QRFPR: variants seen among roughly 807,000 people sequenced by gnomAD.
QRFPR encodes the protein pyroglutamylated RFamide peptide receptor.
QRFPR carries 37 observed loss-of-function variants against 31.3 expected under a neutral mutation model. That is an observed-to-expected ratio of 1.18 (90% CI 0.91 to 1.56). QRFPR has a LOEUF of 1.56. QRFPR is among the 40% of genes most tolerant of loss of function. QRFPR has a pLI of 0.00. For synonymous variants in QRFPR, 197 were observed against 192.0 expected, an observed-to-expected ratio of 1.03 and a Z score of -0.22; for missense variants, 542 against 532.5, an observed-to-expected ratio of 1.02 and a Z score of -0.18.
chr4:121,359,806 T>C (rs28663623), intron 1 of QRFPR, among the ~76,000 whole-genome samples: 4,340 of 151,154 alleles, frequency 0.029, 207 homozygotes, highest in African/African-American at 0.099. Context: ...TGTGTGTGTA[T>C]GTGTGTGTGT....
At position 121,329,114 on chromosome 4, in the gene QRFPR, A is replaced by T; in HGVS notation, c.*200T>A. On this transcript the variant is annotated 3_prime_UTR_variant, in exon 6 of 6. Coordinates refer to ENST00000394427, the MANE Select transcript of QRFPR (RefSeq NM_198179.3). ...CAGTGGGAATGAGAAGGAACACAGA[A>T]ATCTGTTAAATGATTGTGATCAATT... 2.1e-6 allele frequency: 1 copy of T among 474,728 alleles called. No homozygotes were observed. Among genetic ancestry groups the T allele is most frequent in the Non-Finnish European group, 3.6e-6 (1 of 275,550 alleles). The allele number at this position is 474,728 out of a possible 1,614,324, so 29.4% of individuals were successfully genotyped here.
chr4:121,380,950 G>A lies in QRFPR; in HGVS notation c.-303C>T. On this transcript the variant is annotated 5_prime_UTR_variant, in exon 1 of 6. Transcript: ENST00000394427. ...TTGCTCTTCCCTAAGGCGAGGCGCC[G>A]CCACGGTCTGGGGTGCTGGAGCGCC... 1 of 335,864 alleles carries A rather than the reference G, an allele frequency of 3.0e-6. No homozygotes were observed. Among genetic ancestry groups the A allele is most frequent in the Non-Finnish European group, 5.4e-6 (1 of 185,264 alleles). 20.8% of individuals were successfully genotyped at this position (335,864 alleles called of 1,614,324 possible). A position where few individuals can be genotyped will look rare whatever the true frequency, so the allele number is the denominator to read the frequency against.
At chr4:121,369,965 T>TC in intron 1 of QRFPR, 1 of 765,256 alleles carries the variant, frequency 1.3e-6, no homozygotes, top group Admixed American at 1.7e-5. Flanking sequence ...CCAGGATCTC[T>TC]CAGCCCTGCC....
At chr4:121,352,447 T>A (rs1264990809) in intron 1 of QRFPR, among the ~76,000 whole-genome samples, 1 of 152,120 alleles carries the variant, frequency 6.6e-6, no homozygotes, top group Non-Finnish European at 1.5e-5. Flanking sequence ...AAGTATGTAC[T>A]TTCTCAAGCC....
In QRFPR at chr4:121,380,193, GAGAGA is replaced by G. The variant is rs1560749161; in HGVS notation, c.340+110_340+114del. ...AGACAGACAGACGAGAGAGGAGAGAGAGAGAGAGAGAGAGAGAGAGAGAGAGAGAG... is the reference window on the plus strand; with the variant it reads ...AGACAGACAGACGAGAGAGGAGAGAGGAGAGAGAGAGAGAGAGAGAGAGAG... On this transcript the variant is annotated intron_variant, in intron 1 of 5. Coordinates refer to ENST00000394427, the MANE Select transcript of QRFPR (RefSeq NM_198179.3). 8.0e-5 allele frequency: 15 copies of G among 188,572 alleles called. 1 individual carries two copies. The highest frequency in any genetic ancestry group is 5.6e-4 in the Admixed American group (6 of 10,724). 11.7% of individuals were successfully genotyped at this position (188,572 alleles called of 1,614,324 possible).
At chr4:121,352,908 C>G (rs376696746) in intron 1 of QRFPR, among the ~76,000 whole-genome samples, 1 of 152,038 alleles carries the variant, frequency 6.6e-6, no homozygotes, top group Non-Finnish European at 1.5e-5. Flanking sequence ...TCATTCTACT[C>G]TATCTCCAAA....
intron 1 of QRFPR, among the ~76,000 whole-genome samples, chr4:121,362,990 T>C (rs1726020755): frequency 6.7e-6 from 1 of 150,124 alleles, no homozygotes; most frequent in Admixed American, 6.6e-5. Context: ...CTCTCTGGAG[T>C]CCATGCAAGC....
In QRFPR at chr4:121,355,109, C is replaced by T. The variant is rs114609455; in HGVS notation, c.341-14499G>A. Among the ~76,000 whole-genome samples the T allele has an allele frequency of 5.6e-3, 847 of 151,952 alleles. 2 individuals carry two copies. The highest frequency in any genetic ancestry group is 0.011 in the African/African-American group (471 of 41,492). On this transcript the variant is annotated intron_variant, in intron 1 of 5. Transcript: ENST00000394427. ...GGTATGAGTCTGGAAGTATTCCTTC[C>T]GCTTTGATTTTTTTGTAACAATTTG...
chr4:121,340,632 A>C (rs781620977), intron 1 of QRFPR, 22 bp from the exon 2 acceptor site: 1 of 1,603,272 alleles, frequency 6.2e-7, no homozygotes, highest in South Asian at 1.1e-5. Flanking sequence ...AAATAGGACA[A>C]ATCATACATC....
At chr4:121,355,292 T>C (rs1725845039) in intron 1 of QRFPR, among the ~76,000 whole-genome samples, 1 of 152,144 alleles carries the variant, frequency 6.6e-6, no homozygotes, top group Non-Finnish European at 1.5e-5. Flanking sequence ...CATGGTTCTA[T>C]CTTGATAGGT....
chr4:121,378,410 T>C (rs56226730), intron 1 of QRFPR, among the ~76,000 whole-genome samples: 1 of 140,052 alleles, frequency 7.1e-6, no homozygotes, highest in South Asian at 2.3e-4. Flanking sequence ...CACTGCACTT[T>C]TTTTTTTTTT....
rs527907188 is a variant in QRFPR, at chr4:121,343,061, C to T, written c.341-2451G>A. Among the ~76,000 whole-genome samples the T allele has an allele frequency of 3.9e-5, 6 of 152,300 alleles. No individual in the cohort carries two copies. In the South Asian group the frequency reaches 1.0e-3, roughly 26 times the overall value. ...GAATGGAGAAGGGAACGCCCATGGA[C>T]CATGGCCATGCACCAGGCAGAAGGG... On this transcript the variant is annotated intron_variant, in intron 1 of 5. Transcript: ENST00000394427.
intron 1 of QRFPR, among the ~76,000 whole-genome samples, chr4:121,365,628 TTA>T (rs376264003): frequency 0.42 from 10,502 of 25,196 alleles, 2,390 homozygotes; most frequent in Non-Finnish European, 0.44. Context: ...ATATTATATA[TTA>T]TATATATATT....
chr4:121,344,983 C>A (rs986308093), intron 1 of QRFPR, among the ~76,000 whole-genome samples: 2 of 152,088 alleles, frequency 1.3e-5, no homozygotes, highest in African/African-American at 4.8e-5. Context: ...CTCTTTTTTC[C>A]TTACAGGATA....
chr4:121,353,002 A>G (rs971165859), intron 1 of QRFPR, among the ~76,000 whole-genome samples: 7 of 152,034 alleles, frequency 4.6e-5, no homozygotes, highest in African/African-American at 1.7e-4. Flanking sequence ...TTCACTCAAC[A>G]TAACGTCCTC....
At position 121,343,469 on chromosome 4, in the gene QRFPR, G is replaced by A. The variant is rs1725582765; in HGVS notation, c.341-2859C>T. Among the ~76,000 whole-genome samples the A allele has an allele frequency of 2.0e-5, 3 of 152,112 alleles. No individual in the cohort carries two copies. The South Asian group carries it at 6.2e-4, about 32-fold the overall frequency. On this transcript the variant is annotated intron_variant, in intron 1 of 5. Coordinates refer to ENST00000394427, the MANE Select transcript of QRFPR (RefSeq NM_198179.3). ...CAAAATCCTGTTCAAACTTAAGGCC[G>A]TCTTTTATTTAGAAAGATGGTTTAG...
intron 1 of QRFPR, among the ~76,000 whole-genome samples, chr4:121,365,560 ATATATTATATATAATATATAT>A: frequency 1.6e-4 from 1 of 6,084 alleles, no homozygotes; most frequent in East Asian, 8.8e-3. Flanking sequence ...AATATATAAT[ATATATTATATATAATATATAT>A]TATATATATT....
At chr4:121,343,710 C>A (rs1725590111) in intron 1 of QRFPR, among the ~76,000 whole-genome samples, 1 of 152,136 alleles carries the variant, frequency 6.6e-6, no homozygotes, top group East Asian at 1.9e-4. Flanking sequence ...TGAGAAGAAC[C>A]TTGTACTTTT....
In QRFPR at chr4:121,335,582, G is replaced by GC. The variant is rs1357020158; in HGVS notation, c.561+1224_561+1225insG. 9.4e-5 allele frequency among the ~76,000 whole-genome samples: 7 copies of GC among 74,318 alleles called. No homozygotes were observed. The East Asian group carries it at 0.012, about 126-fold the overall frequency. 48.8% of individuals were successfully genotyped at this position (74,318 alleles called of 152,430 possible). A position where few individuals can be genotyped will look rare whatever the true frequency, so the allele number is the denominator to read the frequency against. ...GGCAGCCAATTGTATGGGGGGTGGG[G>GC]GGTGGGGCGGGGAGAGGAGTGGGGC... On this transcript the variant is annotated intron_variant, in intron 3 of 5. Transcript: ENST00000394427.
Sources: gnomAD v4.1 joint callset for allele counts (sites outside exome capture counted in the v4.1 genomes callset) on GRCh38, gnomAD v4.1.1 for gene constraint, MANE v1.5 for transcripts, NCBI Gene and HGNC (gene_info 2026-07-23, HGNC 2026-07-21) for gene names.